POLR3F: variants seen among roughly 807,000 people sequenced by gnomAD.
POLR3F encodes DNA-directed RNA polymerase III subunit RPC6.
In POLR3F, 31 loss-of-function variants were observed where a neutral mutation model predicts 43.6. The ratio of observed to expected loss-of-function variants is 0.71; its 90% CI spans 0.53 to 0.96. The LOEUF is 0.96. Ranked by LOEUF, POLR3F falls within the 40% of genes least tolerant of loss-of-function variation. POLR3F has a pLI of 0.00. For synonymous variants in POLR3F, 114 were observed against 132.5 expected (o/e 0.86, Z 0.96); for missense variants, 316 against 391.7 (o/e 0.81, Z 1.63).
intron 3 of POLR3F, 87 bp downstream of exon 3, chr20:18,472,996 A>C: frequency 1.5e-6 from 1 of 647,018 alleles, no homozygotes; most frequent in South Asian, 2.0e-5. Flanking sequence ...AAATTACATA[A>C]ACCTGTCCTG....
chr20:18,479,644 A>C (rs2059799355), intron 5 of POLR3F, among the ~76,000 whole-genome samples: 1 of 152,268 alleles, frequency 6.6e-6, no homozygotes, highest in South Asian at 2.1e-4. Context: ...TGTAAATCAA[A>C]GTATAAAATA....
intron 5 of POLR3F, among the ~76,000 whole-genome samples, chr20:18,476,074 T>C (rs760147595): frequency 6.6e-6 from 1 of 152,250 alleles, no homozygotes; most frequent in Non-Finnish European, 1.5e-5. Context: ...TAATAACAGC[T>C]CTGCTGAAAT....
At chr20:18,480,567 T>C in intron 7 of POLR3F, 58 bp downstream of exon 7, 1 of 973,084 alleles carries the variant, frequency 1.0e-6, no homozygotes, top group Non-Finnish European at 1.6e-6. Context: ...ATACAATGTA[T>C]TCCAAACATG....
At chr20:18,470,815 G>A (rs1286151339) in intron 2 of POLR3F, 1 of 152,534 alleles carries the variant, frequency 6.6e-6, no homozygotes, top group Non-Finnish European at 1.5e-5. Context: ...TTAAGAAAGG[G>A]AGTGATTATT....
At position 18,478,052 on chromosome 20, in the gene POLR3F, A is replaced by G. The variant is rs560861454; in HGVS notation, c.430-1986A>G. On this transcript the variant is annotated intron_variant, in intron 5 of 8. Coordinates refer to ENST00000377603, the MANE Select transcript of POLR3F (RefSeq NM_006466.4). ...GCGGTTGGTCTTTCCAGCATGGACAACTCCTATCCTGAAACTATTTAGAGT... is the reference window on the plus strand; with the variant it reads ...GCGGTTGGTCTTTCCAGCATGGACAGCTCCTATCCTGAAACTATTTAGAGT... Among the ~76,000 whole-genome samples the G allele has an allele frequency of 1.4e-3, 216 of 152,088 alleles. 1 individual carries two copies. The highest frequency in any genetic ancestry group is 3.4e-3 in the Middle Eastern group (1 of 294).
Position 18,468,935 on chromosome 20 carries a change from T to A in POLR3F, c.63-9T>A, listed in dbSNP as rs1173072976. 4.8e-6 allele frequency: 6 copies of A among 1,262,760 alleles called. No individual in the cohort carries two copies. The highest frequency in any genetic ancestry group is 1.2e-6 in the Non-Finnish European group (1 of 859,408). The allele number at this position is 1,262,760 out of a possible 1,614,324, so 78.2% of individuals were successfully genotyped here. On this transcript the variant is annotated splice_polypyrimidine_tract_variant and intron_variant, in intron 1 of 8. Transcript: ENST00000377603. ...CCATGAAGGATAACATTAATACCTT[T>A]GTTTCTAGGATTATAGAATTATGTC...
chr20:18,478,932 C>A (rs1044236170), intron 5 of POLR3F, among the ~76,000 whole-genome samples: 1 of 149,726 alleles, frequency 6.7e-6, no homozygotes, highest in Non-Finnish European at 1.5e-5. Flanking sequence ...CACCTGAGGT[C>A]AGGAATTAGA....
chr20:18,473,012 C>A, intron 3 of POLR3F, 103 bp downstream of exon 3: 2 of 554,196 alleles, frequency 3.6e-6, no homozygotes, highest in Non-Finnish European at 3.2e-6. Context: ...TCCTGTGTAT[C>A]ATCCCTGCCT....
chr20:18,468,374 CCA>C (rs780189544), intron 1 of POLR3F, among the ~76,000 whole-genome samples: 3 of 152,180 alleles, frequency 2.0e-5, no homozygotes, highest in Non-Finnish European at 4.4e-5. Context: ...CGCGCCCGGC[CCA>C]GTTTTATATT....
At chr20:18,482,668 T>G (rs768473438) in intron 8 of POLR3F, among the ~76,000 whole-genome samples, 1 of 152,184 alleles carries the variant, frequency 6.6e-6, no homozygotes, top group Non-Finnish European at 1.5e-5. Flanking sequence ...CTCTATGCTC[T>G]AGGCACTAAG....
chr20:18,480,657 C>T (rs1256923493), intron 7 of POLR3F, 148 bp downstream of exon 7: 3 of 633,468 alleles, frequency 4.7e-6, no homozygotes, highest in African/African-American at 3.7e-5. Context: ...AAATACTGTC[C>T]TGTATCTTAG....
In POLR3F at chr20:18,483,602, T is replaced by A. The variant is rs1219679949; in HGVS notation, c.*44T>A. 1 of 815,328 alleles carries A rather than the reference T, an allele frequency of 1.2e-6. No individual in the cohort carries two copies. The highest frequency in any genetic ancestry group is 2.0e-5 in the South Asian group (1 of 51,040). 50.5% of individuals were successfully genotyped at this position (815,328 alleles called of 1,614,324 possible). A position where few individuals can be genotyped will look rare whatever the true frequency, so the allele number is the denominator to read the frequency against. On this transcript the variant is annotated 3_prime_UTR_variant, in exon 9 of 9. Transcript: ENST00000377603. ...ATTGACATTTTGCAAATGAAGTTAC[T>A]TAGGGAGCAGATAATTTAATTCATG...
rs779159596 is a variant in POLR3F, at chr20:18,467,562, A to G, written c.56A>G (p.Glu19Gly). The change falls in exon 1 of 9, where the codon GAA becomes GGA. Residue 19 changes from glutamate to glycine, a missense_variant. By Grantham distance (98) the Glu-to-Gly change is moderately conservative (BLOSUM62 -2). This residue lies in a region of POLR3F where 122 missense variants were observed against 133.8 expected (regional missense o/e 0.91). Transcript: ENST00000377603. ...CCTGACGCGGATCCGGTCGAAATAGAAAACAGGTAAACCAGTGAGGCTCCG... is the reference window on the plus strand; with the variant it reads ...CCTGACGCGGATCCGGTCGAAATAGGAAACAGGTAAACCAGTGAGGCTCCG... ...QPPDADPVEI[E>G]NRIIELCHQF... 5 of 1,614,248 alleles carry G rather than the reference A, an allele frequency of 3.1e-6. No individual in the cohort carries two copies. In the South Asian group the frequency reaches 5.5e-5, roughly 18 times the overall value.
chr20:18,478,019 C>T (rs1014612805), intron 5 of POLR3F, among the ~76,000 whole-genome samples: 5 of 152,180 alleles, frequency 3.3e-5, no homozygotes, highest in Non-Finnish European at 7.3e-5. Context: ...CCCCAACCCT[C>T]TAATCATGCG....
At chr20:18,481,087 G>C (rs1445814160) in intron 7 of POLR3F, among the ~76,000 whole-genome samples, 1 of 152,144 alleles carries the variant, frequency 6.6e-6, no homozygotes, top group Non-Finnish European at 1.5e-5. Context: ...AAAGATACCA[G>C]AAAGTGTCAA....
At chr20:18,482,671 G>A (rs1187477455) in intron 8 of POLR3F, among the ~76,000 whole-genome samples, 1 of 152,062 alleles carries the variant, frequency 6.6e-6, no homozygotes, top group Non-Finnish European at 1.5e-5. Context: ...TATGCTCTAG[G>A]CACTAAGGAT....
Position 18,472,882 on chromosome 20 carries a change from A to G in POLR3F, c.221A>G (p.Tyr74Cys). 6.6e-7 allele frequency: 1 copy of G among 1,515,622 alleles called. No individual in the cohort carries two copies. Among genetic ancestry groups the G allele is most frequent in the Non-Finnish European group, 9.1e-7 (1 of 1,101,846 alleles). The allele number at this position is 1,515,622 out of a possible 1,614,324, so 93.9% of individuals were successfully genotyped here. A position where few individuals can be genotyped will look rare whatever the true frequency, so the allele number is the denominator to read the frequency against. Residue 74 changes from tyrosine (Y) to cysteine (C), a missense_variant, in exon 3 of 9, where the codon TAT (tyrosine) becomes TGT (cysteine). Tyr to Cys is a radical substitution (Grantham distance 194, BLOSUM62 -2). This residue lies in a region of POLR3F where 122 missense variants were observed against 133.8 expected (regional missense o/e 0.91). Transcript: ENST00000377603. Reference protein sequence around the residue: ...DLLRSNTGLLYRIKDSQNAGK... With the variant: ...DLLRSNTGLLCRIKDSQNAGK... ...TTAAGGAGCAATACGGGCCTTTTAT[A>G]TAGAATAAAGGACTCTCAGAATGCT... is the stretch of plus-strand genomic sequence containing the variant.
chr20:18,471,931 G>A lies in POLR3F; in HGVS notation c.181-911G>A, dbSNP rs550339833. On this transcript the variant is annotated intron_variant, in intron 2 of 8. Transcript: ENST00000377603. ...CGGGAGGCAGAGGTTGCAGTGAGCC[G>A]AGATTGTGCCACGGCACACCAGCCT... Among the ~76,000 whole-genome samples the A allele has an allele frequency of 8.5e-5, 13 of 152,306 alleles. No individual in the cohort carries two copies. In the South Asian group the frequency reaches 2.1e-3, roughly 24 times the overall value.
chr20:18,469,236 A>G, intron 2 of POLR3F, 175 bp downstream of exon 2: 1 of 589,506 alleles, frequency 1.7e-6, no homozygotes, highest in South Asian at 2.0e-5. Flanking sequence ...AGAGGTTAGC[A>G]TTTTGAATTG....
Sources: allele counts gnomAD v4.1 joint callset (sites outside exome capture counted in the v4.1 genomes callset), GRCh38; gene constraint gnomAD v4.1.1; regional missense constraint gnomAD v4.1.1; transcripts MANE v1.5; gene names NCBI Gene and HGNC (gene_info 2026-07-23, HGNC 2026-07-21).